Variants in SVIL observed in about 807,000 individuals in gnomAD.
The protein encoded by SVIL is archvillin.
A neutral mutation model predicts 240.4 loss-of-function variants in SVIL; 101 were observed. The observed-to-expected ratio is 0.42, with a 90% CI of 0.36 to 0.50. The LOEUF (loss-of-function observed/expected upper bound fraction) is 0.50, where lower values mean the gene tolerates loss of function less well. Among genes scored for constraint, SVIL ranks in the 20% least tolerant of loss-of-function variants. SVIL has a pLI of 0.01. For synonymous variants in SVIL, 999 were observed against 1,100.0 expected (o/e 0.91, Z 1.82); for missense variants, 2,512 against 2,818.7 (o/e 0.89, Z 2.46).
chr10:29,517,226 C>T (rs886214270), intron 16 of SVIL, among the ~76,000 whole-genome samples: 6 of 151,536 alleles, frequency 4.0e-5, no homozygotes, highest in East Asian at 1.9e-4. Flanking sequence ...CAGCCTGGGC[C>T]GCAGAGCAAG....
Position 29,500,935 on chromosome 10 carries a change from G to A in SVIL, c.3517-1672C>T, listed in dbSNP as rs571284374. 5.3e-5 allele frequency among the ~76,000 whole-genome samples: 8 copies of A among 152,272 alleles called. No individual in the cohort carries two copies. The South Asian group carries it at 1.0e-3, about 20-fold the overall frequency. The stretch of plus-strand genomic sequence containing the variant: ...AGTTCATTTTCTTAACCCCTGGAAT[G>A]ATGGGAGTTGACAGAGGAAAGGCGC... On this transcript the variant is annotated intron_variant, in intron 17 of 37. Transcript: ENST00000355867.
chr10:29,458,636 G>A, intron 36 of SVIL, 47 bp from the exon 37 acceptor site: 1 of 1,588,020 alleles, frequency 6.3e-7, no homozygotes, highest in Non-Finnish European at 8.6e-7. Flanking sequence ...TCCTACATTT[G>A]AACTTGTTTT....
intron 5 of SVIL, among the ~76,000 whole-genome samples, chr10:29,553,564 A>T (rs1028323429): frequency 4.0e-5 from 3 of 75,164 alleles, no homozygotes; most frequent in African/African-American, 1.9e-4. Flanking sequence ...CTGGGCGACA[A>T]GAGCAAAACT....
At chr10:29,506,679 ATGAGGGAGGGGACAGAGG>A (rs1949327124) in intron 17 of SVIL, among the ~76,000 whole-genome samples, 1 of 114,188 alleles carries the variant, frequency 8.8e-6, no homozygotes, top group Non-Finnish European at 2.0e-5. Flanking sequence ...CAGAGGCCCT[ATGAGGGAGGGGACAGAGG>A]CCCTACGAGG....
chr10:29,702,745 G>T (rs1962616246), intron 1 of SVIL, among the ~76,000 whole-genome samples: 1 of 152,134 alleles, frequency 6.6e-6, no homozygotes, highest in Non-Finnish European at 1.5e-5. Context: ...TGGACAATCT[G>T]CTCACCCAGA....
chr10:29,511,387 G>C (rs1197574494), intron 17 of SVIL, among the ~76,000 whole-genome samples: 1 of 138,534 alleles, frequency 7.2e-6, no homozygotes, highest in African/African-American at 2.6e-5. Context: ...TTCCTGATGG[G>C]CCGGGGAGTC....
chr10:29,583,651 G>A (rs1296889863), intron 1 of SVIL, among the ~76,000 whole-genome samples: 1 of 152,154 alleles, frequency 6.6e-6, no homozygotes, highest in African/African-American at 2.4e-5. Context: ...TTCAGAACAG[G>A]TCCCCAGCCC....
At position 29,467,770 on chromosome 10, in the gene SVIL, G is replaced by C. The variant is rs1192079467; in HGVS notation, c.5949C>G (p.Asp1983Glu). 6.2e-7 allele frequency: 1 copy of C among 1,614,032 alleles called. No homozygotes were observed. The highest frequency in any genetic ancestry group is 1.3e-5 in the African/African-American group (1 of 74,920). The change falls in exon 33 of 38, where the codon GAC becomes GAG. Residue 1983 changes from aspartate (D) to glutamate (E), a missense_variant. Asp to Glu is a conservative substitution (Grantham distance 45). This residue lies in a region of SVIL where 797 missense variants were observed against 925.3 expected (regional missense o/e 0.86). Transcript: ENST00000355867. ...GAAGCATGCAATCGTAGGCTTTCCT[G>C]TCTCTCCTTCCTAAGGCATCCCAGA... ...LGFWDALGRR[D>E]RKAYDCMLQD...
In SVIL at chr10:29,486,577, A is replaced by AAT; in HGVS notation, c.4486-22_4486-21dup. 2 of 1,614,042 alleles carry AAT rather than the reference A, an allele frequency of 1.2e-6. No individual in the cohort carries two copies. Among genetic ancestry groups the AAT allele is most frequent in the Non-Finnish European group, 1.7e-6 (2 of 1,179,992 alleles). ...TGAGGCCTAAAAAAGAGAGGAACAC[A>AAT]ATTGCCTGGGTAGAAAAGCCCTTGG... On this transcript the variant is annotated intron_variant, in intron 24 of 37. Transcript: ENST00000355867.
chr10:29,595,266 G>A (rs534490119), intron 1 of SVIL, among the ~76,000 whole-genome samples: 7 of 152,328 alleles, frequency 4.6e-5, no homozygotes, highest in African/African-American at 7.2e-5. Context: ...AGGGAGCCTC[G>A]GGAAGCTGAG....
intron 13 of SVIL, among the ~76,000 whole-genome samples, chr10:29,526,582 C>T (rs759908469): frequency 6.6e-6 from 1 of 152,138 alleles, no homozygotes; most frequent in Non-Finnish European, 1.5e-5. Flanking sequence ...GGATTACAGG[C>T]ATGAGCCACC....
At chr10:29,600,062 A>G (rs1474939758) in intron 1 of SVIL, among the ~76,000 whole-genome samples, 1 of 151,516 alleles carries the variant, frequency 6.6e-6, no homozygotes, top group Non-Finnish European at 1.5e-5. Context: ...TTCTTAAGAG[A>G]TAGGGTCTCA....
rs550761309 is a variant in SVIL, at chr10:29,468,391, C to T, written c.5844-516G>A. On this transcript the variant is annotated intron_variant, in intron 32 of 37. Transcript: ENST00000355867. ...ATTTGGGTTATTTCCATCTTTTGGC[C>T]ACTATGACTAATATGGCTATGAACC... Among the ~76,000 whole-genome samples, 3 of 151,868 alleles carry T rather than the reference C, an allele frequency of 2.0e-5. No individual in the cohort carries two copies. The South Asian group carries it at 6.2e-4, about 32-fold the overall frequency.
At chr10:29,680,564 T>A (rs150075595) in intron 2 of SVIL, among the ~76,000 whole-genome samples, 187 of 152,290 alleles carry the variant, frequency 1.2e-3, no homozygotes, top group Middle Eastern at 6.8e-3. Context: ...CACCAAATAT[T>A]TATGCTGTAA....
chr10:29,718,924 A>G (rs1220639430), intron 1 of SVIL, among the ~76,000 whole-genome samples: 1 of 152,178 alleles, frequency 6.6e-6, no homozygotes, highest in Non-Finnish European at 1.5e-5. Context: ...AGCCTGGCCA[A>G]CATGGTGAAA....
rs145402219 is a variant in SVIL at position 29,488,853 on chromosome 10, T to A, written c.4193-97A>T. On this transcript the variant is annotated intron_variant, in intron 22 of 37. Transcript: ENST00000355867. ...ATTCATAACTGACTCAACACCTTTGTCTTTTCAAGTTAATCCCGAGAGGGA... is the reference window on the plus strand; with the variant it reads ...ATTCATAACTGACTCAACACCTTTGACTTTTCAAGTTAATCCCGAGAGGGA... 140 of 1,345,730 alleles carry A rather than the reference T, an allele frequency of 1.0e-4. No individual in the cohort carries two copies. In the African/African-American group the frequency reaches 1.5e-3, roughly 15 times the overall value. 83.4% of individuals were successfully genotyped at this position (1,345,730 alleles called of 1,614,324 possible).
chr10:29,496,548 C>T (rs1296734488), intron 18 of SVIL: 2 of 367,980 alleles, frequency 5.4e-6, no homozygotes, highest in African/African-American at 2.1e-5. Flanking sequence ...GGGCAAACCC[C>T]GCTGCCATGG....
chr10:29,593,239 A>G (rs1956457367), intron 1 of SVIL, among the ~76,000 whole-genome samples: 1 of 152,254 alleles, frequency 6.6e-6, no homozygotes, highest in African/African-American at 2.4e-5. Flanking sequence ...CTATTATAAA[A>G]GTACACACAA....
At chr10:29,594,570 T>G (rs1273913407) in intron 1 of SVIL, among the ~76,000 whole-genome samples, 1 of 151,442 alleles carries the variant, frequency 6.6e-6, no homozygotes, top group Admixed American at 6.6e-5. Context: ...TTTTTTTTTT[T>G]TTTTGAAACA....
Sources: gnomAD v4.1 joint callset for allele counts (sites outside exome capture counted in the v4.1 genomes callset) on GRCh38, gnomAD v4.1.1 for gene constraint, gnomAD v4.1.1 regional missense constraint, MANE v1.5 for transcripts, NCBI Gene and HGNC (gene_info 2026-07-23, HGNC 2026-07-21) for gene names.